The following DENND2A variants were observed in gnomAD, a reference collection of about 807,000 sequenced individuals.
The protein encoded by DENND2A is DENN domain-containing protein 2A.
DENND2A carries 53 observed loss-of-function variants against 105.3 expected under a neutral mutation model. The observed-to-expected ratio is 0.50, with a 90% CI of 0.40 to 0.63. The LOEUF is 0.63. DENND2A is among the 30% of genes least tolerant of loss of function. DENND2A has a pLI of 0.00. For missense variants in DENND2A, 1,138 were observed against 1,279.6 expected (o/e 0.89, Z 1.69); for synonymous variants, 522 against 508.4 (o/e 1.03, Z -0.36).
chr7:140,550,787 G>T (rs867072298), intron 12 of DENND2A, among the ~76,000 whole-genome samples: 8 of 152,088 alleles, frequency 5.3e-5, no homozygotes, highest in Admixed American at 2.6e-4. Context: ...TCTGTTGGGG[G>T]AGATGAAAAA....
intron 2 of DENND2A, among the ~76,000 whole-genome samples, chr7:140,604,072 A>T (rs548658607): frequency 6.6e-6 from 1 of 152,272 alleles, no homozygotes; most frequent in Non-Finnish European, 1.5e-5. Context: ...GTTATGACTG[A>T]GTACAGTGAC....
chr7:140,595,642 G>A (rs1450501945), intron 3 of DENND2A, among the ~76,000 whole-genome samples: 2 of 152,060 alleles, frequency 1.3e-5, no homozygotes, highest in Non-Finnish European at 2.9e-5. Context: ...GGTGGCATGT[G>A]CCTGTGGTCG....
At chr7:140,631,344 G>A (rs891691108) in intron 1 of DENND2A, among the ~76,000 whole-genome samples, 2 of 152,090 alleles carry the variant, frequency 1.3e-5, no homozygotes, top group African/African-American at 4.8e-5. Flanking sequence ...CTGACAAATT[G>A]GCAGCCTGAA....
intron 14 of DENND2A, among the ~76,000 whole-genome samples, chr7:140,540,370 C>T (rs368218755): frequency 6.6e-5 from 10 of 152,378 alleles, no homozygotes; most frequent in African/African-American, 2.2e-4. Context: ...CGGCATGAGC[C>T]GTTTGAAAAG....
intron 3 of DENND2A, among the ~76,000 whole-genome samples, chr7:140,596,093 G>C (rs1240556982): frequency 6.6e-6 from 1 of 152,062 alleles, no homozygotes; most frequent in African/African-American, 2.4e-5. Context: ...TCTCTATCCT[G>C]GATCTAAACC....
At position 140,573,886 on chromosome 7, in the gene DENND2A, G is replaced by T. The variant is rs528367786; in HGVS notation, c.1368C>A (p.Ser456=). The change falls in exon 6 of 20, where the codon TCC becomes TCA. Residue 456 remains serine (S), a synonymous_variant. Transcript: ENST00000496613. ...TGSPSKISPP[S]TPSSPDDIFF... Reference sequence around the variant, plus strand: ...AAATGTCATCAGGGCTGCTGGGAGTGGAGGGAGGGCTGATTTTGGAAGGGG... The same window carrying T: ...AAATGTCATCAGGGCTGCTGGGAGTTGAGGGAGGGCTGATTTTGGAAGGGG... The T allele has an allele frequency of 2.5e-6, 4 of 1,614,174 alleles. No homozygotes were observed. The East Asian group carries it at 6.7e-5, about 27-fold the overall frequency.
rs756740174 is a variant in DENND2A at position 140,585,606 on chromosome 7, G to C, written c.1228C>G (p.Pro410Ala). 2.7e-5 allele frequency: 44 copies of C among 1,613,946 alleles called. 1 individual carries two copies. The South Asian group carries it at 4.7e-4, about 17-fold the overall frequency. The change falls in exon 5 of 20, where the codon CCT becomes GCT. Residue 410 changes from proline to alanine, a missense_variant. By Grantham distance (27) the Pro-to-Ala change is conservative. Coordinates refer to ENST00000496613, the MANE Select transcript of DENND2A (RefSeq NM_015689.5). ...NFPASPTSSIPDTLTKQSLSK... is the reference protein window; with the variant it reads ...NFPASPTSSIADTLTKQSLSK... ...ACTCATACCTTGGTGAGTGTGTCAG[G>C]GATGGAAGAGGTGGGAGAAGCAGGA... is the stretch of plus-strand genomic sequence containing the variant.
At chr7:140,629,859 T>TC (rs1491445622) in intron 1 of DENND2A, among the ~76,000 whole-genome samples, 93 of 132,378 alleles carry the variant, frequency 7.0e-4, no homozygotes, top group African/African-American at 2.4e-3. Context: ...TTTCTCTCTC[T>TC]TTTTTTTTTT....
At chr7:140,565,255 T>A (rs1236201047) in intron 9 of DENND2A, among the ~76,000 whole-genome samples, 1 of 151,868 alleles carries the variant, frequency 6.6e-6, no homozygotes, top group Non-Finnish European at 1.5e-5. Context: ...AGAAGCTCCC[T>A]CCCTTCTGCC....
In DENND2A at chr7:140,518,474, A is replaced by G; in HGVS notation, c.*233T>C. On this transcript the variant is annotated 3_prime_UTR_variant, in exon 20 of 20. Coordinates refer to ENST00000496613, the MANE Select transcript of DENND2A (RefSeq NM_015689.5). ...AAAAAAAAAACCCAACCACCAAAAC[A>G]ACCCATTTGCATGTCGGCGACACGC... 2.2e-6 allele frequency: 1 copy of G among 455,054 alleles called. No individual in the cohort carries two copies. Among genetic ancestry groups the G allele is most frequent in the Non-Finnish European group, 3.9e-6 (1 of 256,968 alleles). The allele number at this position is 455,054 out of a possible 1,614,324, so 28.2% of individuals were successfully genotyped here. A position where few individuals can be genotyped will look rare whatever the true frequency, so the allele number is the denominator to read the frequency against.
At chr7:140,622,736 CTTCTTCTTA>C (rs1800341437) in intron 1 of DENND2A, among the ~76,000 whole-genome samples, 1 of 152,062 alleles carries the variant, frequency 6.6e-6, no homozygotes, top group African/African-American at 2.4e-5. Context: ...TCTTCTTCTT[CTTCTTCTTA>C]TTTTTATGTG....
intron 1 of DENND2A, among the ~76,000 whole-genome samples, chr7:140,635,463 G>A (rs1484239325): frequency 2.6e-5 from 4 of 152,120 alleles, no homozygotes; most frequent in African/African-American, 7.2e-5. Context: ...CGCAGTGTAC[G>A]GAAGGCCTGG....
rs269244 is a variant in DENND2A, at chr7:140,603,378, T to A, written c.-145-836A>T. On this transcript the variant is annotated intron_variant, in intron 2 of 19. Coordinates refer to ENST00000496613, the MANE Select transcript of DENND2A (RefSeq NM_015689.5). Reference sequence around the variant, plus strand: ...TGCTTTTCTTATCCACAGGCAGTTCTTTGCAATGACTATTTAAAAACTAAA... The same window carrying A: ...TGCTTTTCTTATCCACAGGCAGTTCATTGCAATGACTATTTAAAAACTAAA... Among the ~76,000 whole-genome samples the A allele has an allele frequency of 4.8e-3, 727 of 152,344 alleles. 3 individuals carry two copies. Among genetic ancestry groups the A allele is most frequent in the African/African-American group, 0.015 (616 of 41,586 alleles).
chr7:140,550,233 C>T lies in DENND2A; in HGVS notation c.2038-3294G>A, dbSNP rs540705249. On this transcript the variant is annotated intron_variant, in intron 12 of 19. Coordinates refer to ENST00000496613, the MANE Select transcript of DENND2A (RefSeq NM_015689.5). ...TTGAGACAGAGTTTCGCTCTTGTTG[C>T]CCAGGCTGGAGTGCAATGGCATGAT... 1.7e-3 allele frequency among the ~76,000 whole-genome samples: 254 copies of T among 152,230 alleles called. 1 individual carries two copies. Among genetic ancestry groups the T allele is most frequent in the African/African-American group, 5.9e-3 (244 of 41,554 alleles).
intron 14 of DENND2A, among the ~76,000 whole-genome samples, chr7:140,539,091 T>C (rs1333790332): frequency 6.6e-6 from 1 of 152,220 alleles, no homozygotes; most frequent in African/African-American, 2.4e-5. Context: ...CCCAAAATAC[T>C]GGGATGACAG....
At chr7:140,637,480 T>C (rs269250) in intron 1 of DENND2A, among the ~76,000 whole-genome samples, 13,269 of 152,228 alleles carry the variant, frequency 0.087, 1,899 homozygotes, top group African/African-American at 0.3. Context: ...TCTCAGCTCC[T>C]ACTCCTGGTT....
Position 140,523,171 on chromosome 7 carries a change from A to C in DENND2A, c.2665+136T>G. 1.3e-6 allele frequency: 1 copy of C among 786,254 alleles called. No individual in the cohort carries two copies. The highest frequency in any genetic ancestry group is 2.1e-6 in the Non-Finnish European group (1 of 470,736). 48.7% of individuals were successfully genotyped at this position (786,254 alleles called of 1,614,324 possible). On this transcript the variant is annotated intron_variant, in intron 17 of 19. Transcript: ENST00000496613. The surrounding 1 kb of genome is among the most constrained non-coding windows in gnomAD (Gnocchi z 4.5). Reference sequence around the variant, plus strand: ...TCACTGTGGGAATGAAATCCAGATAAACAGAATGAGGCCCTGGTTTCTCTC... The same window carrying C: ...TCACTGTGGGAATGAAATCCAGATACACAGAATGAGGCCCTGGTTTCTCTC...
intron 8 of DENND2A, among the ~76,000 whole-genome samples, chr7:140,567,976 T>G (rs1797934091): frequency 6.6e-6 from 1 of 152,166 alleles, no homozygotes; most frequent in South Asian, 2.1e-4. Context: ...AGTCTCACTC[T>G]GTTGCCCAGG....
At position 140,601,648 on chromosome 7, in the gene DENND2A, C is replaced by T; in HGVS notation, c.750G>A (p.Val250=). 4 of 1,613,070 alleles carry T rather than the reference C, an allele frequency of 2.5e-6. No homozygotes were observed. The highest frequency in any genetic ancestry group is 3.4e-6 in the Non-Finnish European group (4 of 1,179,282). Residue 250 remains valine (V), a synonymous_variant, in exon 3 of 20, where the codon GTG becomes GTA. Coordinates refer to ENST00000496613, the MANE Select transcript of DENND2A (RefSeq NM_015689.5). ...RRPWDRSLEN[V]YRGSEGSPTK... ...TGGGGGAACCCTCCGAGCCCCTATA[C>T]ACGTTCTCAAGGCTCCGGTCCCAGG...
Sources: gnomAD v4.1 joint callset for allele counts (sites outside exome capture counted in the v4.1 genomes callset) on GRCh38, gnomAD v4.1.1 for gene constraint, Gnocchi (gnomAD v3.1) non-coding constraint, MANE v1.5 for transcripts, NCBI Gene and HGNC (gene_info 2026-07-23, HGNC 2026-07-21) for gene names.